Variants in PDE4B observed in about 807,000 individuals in gnomAD.
PDE4B encodes the protein phosphodiesterase 4B.
In PDE4B, 20 loss-of-function variants were observed where a neutral mutation model predicts 82.2. That is an observed-to-expected ratio of 0.24 (90% confidence interval 0.17 to 0.35). The LOEUF is 0.35. Among genes scored for constraint, PDE4B ranks in the 10% least tolerant of loss-of-function variants. The pLI is 1.00. For synonymous variants in PDE4B, 320 were observed against 318.9 expected, an observed-to-expected ratio of 1.00 and a Z score of -0.04; for missense variants, 655 against 907.2, an observed-to-expected ratio of 0.72 and a Z score of 3.57.
intron 1 of PDE4B, among the ~76,000 whole-genome samples, chr1:65,854,085 G>A (rs61797058): frequency 0.16 from 24,417 of 151,762 alleles, 2,493 homozygotes; most frequent in Non-Finnish European, 0.23. Flanking sequence ...TGCTTATCAT[G>A]TTTACCTTCA....
intron 3 of PDE4B, among the ~76,000 whole-genome samples, chr1:66,191,755 G>A (rs528600158): frequency 1.3e-5 from 2 of 152,252 alleles, no homozygotes; most frequent in East Asian, 1.9e-4. Flanking sequence ...AGGTTGAATG[G>A]ACTCACAGTT....
intron 1 of PDE4B, among the ~76,000 whole-genome samples, chr1:65,863,475 A>G (rs1646477410): frequency 6.6e-6 from 1 of 152,188 alleles, no homozygotes; most frequent in Non-Finnish European, 1.5e-5. Context: ...AAGAATGTAT[A>G]TTCTGTTGAT....
At chr1:66,304,565 C>T (rs978864527) in intron 7 of PDE4B, among the ~76,000 whole-genome samples, 7 of 152,076 alleles carry the variant, frequency 4.6e-5, no homozygotes, top group African/African-American at 1.7e-4. Flanking sequence ...CGGATAATGC[C>T]ATTCTCAATG....
intron 3 of PDE4B, among the ~76,000 whole-genome samples, chr1:66,087,352 T>A (rs1383858895): frequency 6.6e-6 from 1 of 152,190 alleles, no homozygotes; most frequent in African/African-American, 2.4e-5. Context: ...TTTGTTTTTT[T>A]CTTCTAAATT....
At chr1:66,328,228 C>T (rs1173754242) in intron 7 of PDE4B, among the ~76,000 whole-genome samples, 1 of 152,194 alleles carries the variant, frequency 6.6e-6, no homozygotes, top group African/African-American at 2.4e-5. Flanking sequence ...TCTTTCTGTG[C>T]CACTCTTGTT....
chr1:65,895,619 G>A (rs1237561470), intron 1 of PDE4B, among the ~76,000 whole-genome samples: 6 of 149,696 alleles, frequency 4.0e-5, no homozygotes, highest in East Asian at 1.9e-4. Flanking sequence ...AACATTGACC[G>A]TGTTTCTCAC....
intron 8 of PDE4B, among the ~76,000 whole-genome samples, chr1:66,352,049 T>G (rs771852656): frequency 6.6e-6 from 1 of 152,116 alleles, no homozygotes; most frequent in Non-Finnish European, 1.5e-5. Context: ...AAATGGGCCC[T>G]TCATAAGTGC....
At chr1:66,293,949 T>G (rs1657302735) in intron 7 of PDE4B, among the ~76,000 whole-genome samples, 1 of 152,210 alleles carries the variant, frequency 6.6e-6, no homozygotes, top group Non-Finnish European at 1.5e-5. Context: ...CTCATGCCTG[T>G]AATCCCAGCA....
At chr1:66,009,855 A>G (rs1341753135) in intron 3 of PDE4B, among the ~76,000 whole-genome samples, 2 of 152,072 alleles carry the variant, frequency 1.3e-5, no homozygotes, top group Non-Finnish European at 2.9e-5. Context: ...CTACATATAT[A>G]TGTATTTTTC....
At chr1:66,272,325 C>A (rs559434650) in intron 7 of PDE4B, among the ~76,000 whole-genome samples, 1 of 152,186 alleles carries the variant, frequency 6.6e-6, no homozygotes, top group African/African-American at 2.4e-5. Flanking sequence ...CTTGAGCAGA[C>A]AGATTTCTTC....
chr1:65,955,240 C>T (rs1649195446), intron 3 of PDE4B, among the ~76,000 whole-genome samples: 2 of 152,064 alleles, frequency 1.3e-5, no homozygotes, highest in Admixed American at 1.3e-4. Context: ...TCAGCACAGT[C>T]CCGTAAACCT....
At chr1:65,890,787 T>A (rs932747509) in intron 1 of PDE4B, among the ~76,000 whole-genome samples, 1 of 151,980 alleles carries the variant, frequency 6.6e-6, no homozygotes, top group Non-Finnish European at 1.5e-5. Flanking sequence ...GCAAGTGAAG[T>A]CTGCAGTTCT....
intron 7 of PDE4B, among the ~76,000 whole-genome samples, chr1:66,324,541 T>C (rs1341809797): frequency 6.6e-6 from 1 of 152,186 alleles, no homozygotes; most frequent in Non-Finnish European, 1.5e-5. Flanking sequence ...AAGTTATATA[T>C]ATAAGAGCCA....
At chr1:66,231,184 A>G (rs182144448) in intron 3 of PDE4B, among the ~76,000 whole-genome samples, 2 of 152,340 alleles carry the variant, frequency 1.3e-5, no homozygotes, top group African/African-American at 4.8e-5. Flanking sequence ...TAAGTGACTC[A>G]TTAATAACAT....
chr1:66,173,024 T>C (rs1030514886), intron 3 of PDE4B, among the ~76,000 whole-genome samples: 2 of 152,220 alleles, frequency 1.3e-5, no homozygotes, highest in African/African-American at 2.4e-5. Flanking sequence ...TAAATCAGCA[T>C]GTTAAAACAA....
chr1:66,350,141 T>A (rs1661712146), intron 8 of PDE4B, among the ~76,000 whole-genome samples: 1 of 151,978 alleles, frequency 6.6e-6, no homozygotes, highest in Admixed American at 6.5e-5. Flanking sequence ...TTCAGCCCCT[T>A]CACTTTCCTG....
intron 3 of PDE4B, among the ~76,000 whole-genome samples, chr1:66,184,080 A>G (rs1475327548): frequency 6.6e-6 from 1 of 152,200 alleles, no homozygotes; most frequent in Non-Finnish European, 1.5e-5. Flanking sequence ...AACTGAAGGC[A>G]GGGATCTGGT....
At chr1:66,098,029 T>A (rs1310666282) in intron 3 of PDE4B, among the ~76,000 whole-genome samples, 1 of 152,110 alleles carries the variant, frequency 6.6e-6, no homozygotes, top group Non-Finnish European at 1.5e-5. Flanking sequence ...AACTATATAA[T>A]GATTCTTGCG....
intron 3 of PDE4B, among the ~76,000 whole-genome samples, chr1:66,157,030 A>G (rs1238242605): frequency 6.6e-6 from 1 of 152,166 alleles, no homozygotes; most frequent in East Asian, 1.9e-4. Context: ...TGTGTAGCCA[A>G]CAGCCTTCTT....
Sources: allele counts gnomAD v4.1 joint callset (sites outside exome capture counted in the v4.1 genomes callset), GRCh38; gene constraint gnomAD v4.1.1; transcripts MANE v1.5; gene names NCBI Gene and HGNC (gene_info 2026-07-23, HGNC 2026-07-21).